The following SMARCA4 variants were observed in gnomAD, a reference collection of about 807,000 sequenced individuals.
SMARCA4 encodes SWI/SNF-related matrix-associated actin-dependent regulator of chromatin subfamily A member 4.
Under a neutral mutation model 193.9 loss-of-function variants are expected in SMARCA4, and 31 were observed. The observed-to-expected ratio is 0.16, with a 90% CI of 0.12 to 0.22. SMARCA4 has a LOEUF of 0.22. Ranked by LOEUF, SMARCA4 falls within the 10% of genes least tolerant of loss-of-function variation. The probability of loss-of-function intolerance (pLI) is 1.00; values close to 1 mark genes in which losing one functional copy is unlikely to be tolerated. For missense variants in SMARCA4, 1,148 were observed against 2,296.0 expected (o/e 0.50, Z 10.22); for synonymous variants, 942 against 933.1 (o/e 1.01, Z -0.17).
chr19:10,987,908 CA>C lies in SMARCA4; in HGVS notation c.1103del (p.Gln368ArgfsTer43). On this transcript the variant is annotated frameshift_variant, in exon 6 of 35. Coordinates refer to ENST00000344626, the MANE Select transcript of SMARCA4 (RefSeq NM_003072.5). LOFTEE classifies it high-confidence loss of function. The surrounding 1 kb of genome is among the most constrained non-coding windows in gnomAD (Gnocchi z 5.3). The part of the protein sequence containing the change: ...PRGLDPVEIL[Q>X]EREYRLQARI... ...GGGCCTCGACCCTGTGGAGATCCTG[CA>C]GGAGCGCGAGTACAGGTGAGGGCGG... 1 of 1,612,834 alleles carries C rather than the reference CA, an allele frequency of 6.2e-7. No homozygotes were observed. The highest frequency in any genetic ancestry group is 1.7e-5 in the Admixed American group (1 of 59,984).
rs2076675426 is a variant in SMARCA4, at chr19:11,058,514, G to T, written c.4533+151G>T. On this transcript the variant is annotated intron_variant, in intron 31 of 34. Transcript: ENST00000344626. This position sits in a 1 kb window ranked among gnomAD's most constrained non-coding sequence, Gnocchi z 5.8. ...CTACCTGGTTAGGGACCTGGTCGTG[G>T]GCTTTTGGGGTTCCTTGTAAGGGTT... 4.2e-6 allele frequency: 3 copies of T among 719,852 alleles called. No homozygotes were observed. The South Asian group carries it at 4.5e-5, about 11-fold the overall frequency. 44.6% of individuals were successfully genotyped at this position (719,852 alleles called of 1,614,324 possible). A position where few individuals can be genotyped will look rare whatever the true frequency, so the allele number is the denominator to read the frequency against.
chr19:11,056,009 C>G (rs1357999559), intron 30 of SMARCA4, among the ~76,000 whole-genome samples: 1 of 152,164 alleles, frequency 6.6e-6, no homozygotes, highest in African/African-American at 2.4e-5. Flanking sequence ...CAGTGTAAAG[C>G]GCAACTCTTG....
At chr19:11,048,234 T>C (rs2076060122) in intron 30 of SMARCA4, among the ~76,000 whole-genome samples, 1 of 152,008 alleles carries the variant, frequency 6.6e-6, no homozygotes, top group African/African-American at 2.4e-5. Context: ...TGGATTTTTT[T>C]TTTTATTTAT....
In SMARCA4 at chr19:11,039,480, A is replaced by G. The variant is rs878854221; in HGVS notation, c.4171-1827A>G. On this transcript the variant is annotated intron_variant, in intron 29 of 34. Coordinates refer to ENST00000344626, the MANE Select transcript of SMARCA4 (RefSeq NM_003072.5). ...TAGAAAATTACAGGAAAAGATATCC[A>G]TGACACAGCCAGCAGTGTGGCACGT... 2 of 1,603,324 alleles carry G rather than the reference A, an allele frequency of 1.2e-6. No homozygotes were observed. The highest frequency in any genetic ancestry group is 1.7e-5 in the Admixed American group (1 of 57,938).
At chr19:11,020,154 G>C (rs1224682265) in intron 18 of SMARCA4, among the ~76,000 whole-genome samples, 1 of 152,220 alleles carries the variant, frequency 6.6e-6, no homozygotes, top group Non-Finnish European at 1.5e-5. Flanking sequence ...CAAATACCAT[G>C]ACTGCCTGCT....
rs1248788348 is a variant in SMARCA4, at chr19:11,003,363, A to T, written c.1967A>T (p.Asp656Val). Residue 656 changes from aspartate to valine, a missense_variant, in exon 13 of 35, where the codon GAT (aspartate) becomes GTT (valine). This residue lies in a region of SMARCA4 where 115 missense variants were observed against 175.1 expected (regional missense o/e 0.66). Coordinates refer to ENST00000344626, the MANE Select transcript of SMARCA4 (RefSeq NM_003072.5). The stretch of plus-strand genomic sequence containing the variant: ...AGGTATGAAGTAGCTCCGAGGTCTG[A>T]TAGTGAAGAAAGTGGCTCAGAAGAA... ...NPGYEVAPRS[D>V]SEESGSEEEE... 6.2e-7 allele frequency: 1 copy of T among 1,614,128 alleles called. No homozygotes were observed. The highest frequency in any genetic ancestry group is 8.5e-7 in the Non-Finnish European group (1 of 1,179,958).
rs752442156 is a variant in SMARCA4, at chr19:11,059,894, C to T, written c.4768+9C>T. ...AGGCTCCGAATCCGAATGTGAGTCCCGGGGGGGTTCAGGACGCCGGGGTTC... is the reference window on the plus strand; with the variant it reads ...AGGCTCCGAATCCGAATGTGAGTCCTGGGGGGGTTCAGGACGCCGGGGTTC... On this transcript the variant is annotated intron_variant, in intron 33 of 34. Coordinates refer to ENST00000344626, the MANE Select transcript of SMARCA4 (RefSeq NM_003072.5). 66 of 1,613,536 alleles carry T rather than the reference C, an allele frequency of 4.1e-5. No individual in the cohort carries two copies. Among genetic ancestry groups the T allele is most frequent in the Middle Eastern group, 1.6e-4 (1 of 6,082 alleles).
At chr19:11,007,850 TC>T in intron 13 of SMARCA4, 51 bp from the exon 14 acceptor site, 1 of 1,606,224 alleles carries the variant, frequency 6.2e-7, no homozygotes, top group Non-Finnish European at 8.5e-7. Context: ...GGGAGTCCCG[TC>T]CCCCCTCTCT....
intron 16 of SMARCA4, among the ~76,000 whole-genome samples, chr19:11,016,257 C>T (rs148325788): frequency 2.6e-5 from 4 of 152,130 alleles, no homozygotes; most frequent in Middle Eastern, 3.4e-3. Flanking sequence ...AGGCCGTTCA[C>T]GAGGGTTCAC....
rs375507937 is a variant in SMARCA4, at chr19:10,996,299, C to T, written c.1680C>T (p.Tyr560=). The change falls in exon 10 of 35, where the codon TAC becomes TAT. Residue 560 remains tyrosine, a synonymous_variant. Transcript: ENST00000344626. ...ACCTCTTGCAGCAGACAGACGAGTA[C>T]GTGGCTAACCTCACGGAGCTGGTGC... ...LAYLLQQTDE[Y]VANLTELVRQ... is the part of the protein sequence containing the mutation. 11 of 1,614,098 alleles carry T rather than the reference C, an allele frequency of 6.8e-6. No individual in the cohort carries two copies. The highest frequency in any genetic ancestry group is 2.7e-5 in the African/African-American group (2 of 74,950).
chr19:11,003,891 T>C (rs1471468666), intron 13 of SMARCA4, among the ~76,000 whole-genome samples: 1 of 151,342 alleles, frequency 6.6e-6, no homozygotes, highest in South Asian at 2.1e-4. Context: ...TTTTTATGTT[T>C]AGTAGAGATG....
intron 30 of SMARCA4, among the ~76,000 whole-genome samples, chr19:11,049,833 C>T (rs757379110): frequency 6.6e-5 from 10 of 152,188 alleles, no homozygotes; most frequent in Non-Finnish European, 1.2e-4. Flanking sequence ...CAGGCGCAGG[C>T]GCTCACATCT....
At chr19:10,967,605 C>T (rs111726772) in intron 1 of SMARCA4, among the ~76,000 whole-genome samples, 2 of 151,876 alleles carry the variant, frequency 1.3e-5, no homozygotes, top group Admixed American at 6.6e-5. Flanking sequence ...CCACTGCGCC[C>T]GACTGGAAGG....
rs1039757191 is a variant in SMARCA4, at chr19:10,985,478, G to A, written c.355+73G>A. On this transcript the variant is annotated intron_variant, in intron 3 of 34. Coordinates refer to ENST00000344626, the MANE Select transcript of SMARCA4 (RefSeq NM_003072.5). This position sits in a 1 kb window ranked among gnomAD's most constrained non-coding sequence, Gnocchi z 4.5. Reference sequence around the variant, plus strand: ...TCCTCAGATCATTTTCCTCCCCTGGGTTCCCACAGGATGGATTCAGGGAGT... The same window carrying A: ...TCCTCAGATCATTTTCCTCCCCTGGATTCCCACAGGATGGATTCAGGGAGT... 1 of 1,555,120 alleles carries A rather than the reference G, an allele frequency of 6.4e-7. No homozygotes were observed. Among genetic ancestry groups the A allele is most frequent in the Non-Finnish European group, 8.8e-7 (1 of 1,142,360 alleles).
chr19:11,043,800 C>A (rs1679943259), intron 30 of SMARCA4, among the ~76,000 whole-genome samples: 1 of 152,116 alleles, frequency 6.6e-6, no homozygotes, highest in African/African-American at 2.4e-5. Flanking sequence ...ATGGCAAAAC[C>A]CCATCTCTAC....
chr19:10,979,167 C>T (rs937789922), intron 1 of SMARCA4, among the ~76,000 whole-genome samples: 2 of 151,708 alleles, frequency 1.3e-5, no homozygotes, highest in East Asian at 1.9e-4. Flanking sequence ...GAGGTGGGAC[C>T]GTGTGTGTAG....
rs2083754339 is a variant in SMARCA4, at chr19:10,961,049, C to T, written c.-157C>T. The T allele has an allele frequency of 2.7e-5, 4 of 148,638 alleles. No homozygotes were observed. In the South Asian group the frequency reaches 7.6e-4, roughly 28 times the overall value. 9.2% of individuals were successfully genotyped at this position (148,638 alleles called of 1,614,324 possible). ...GCGGGCGGGCGCGCGCGCGAGGCTT[C>T]CCCTCGTTTGGCGGCGGCGGCGGCT... On this transcript the variant is annotated 5_prime_UTR_variant, in exon 1 of 35. Coordinates refer to ENST00000344626, the MANE Select transcript of SMARCA4 (RefSeq NM_003072.5).
At position 11,026,300 on chromosome 19, in the gene SMARCA4, G is replaced by C. The variant is rs1555781050; in HGVS notation, c.3169G>C (p.Glu1057Gln). The change falls in exon 23 of 35, where the codon GAG becomes CAG. Residue 1057 changes from glutamate (E) to glutamine (Q), a missense_variant and splice_region_variant. Physicochemically the swap from Glu to Gln is conservative, Grantham distance 29 (BLOSUM62 2). This residue lies in a region of SMARCA4 where 74 missense variants were observed against 392.3 expected (regional missense o/e 0.19). Coordinates refer to ENST00000344626, the MANE Select transcript of SMARCA4 (RefSeq NM_003072.5). ...NHPYMFQHIE[E>Q]SFSEHLGFTG... ...TGACCCCTCTCTCCTTGCCTTGCAG[G>C]AGTCCTTTTCCGAGCACTTGGGGTT... 6.2e-7 allele frequency: 1 copy of C among 1,613,834 alleles called. No homozygotes were observed. The highest frequency in any genetic ancestry group is 8.5e-7 in the Non-Finnish European group (1 of 1,179,870).
Position 11,027,550 on chromosome 19 carries a change from T to C in SMARCA4, c.3216-234T>C, listed in dbSNP as rs1019194. 0.19 allele frequency among the ~76,000 whole-genome samples: 28,438 copies of C among 152,120 alleles called. 3,071 individuals carry two copies. Among genetic ancestry groups the C allele is most frequent in the Middle Eastern group, 0.26 (76 of 294 alleles). On this transcript the variant is annotated intron_variant, in intron 23 of 34. Coordinates refer to ENST00000344626, the MANE Select transcript of SMARCA4 (RefSeq NM_003072.5). ...ATGAGTGTCTGGGTTTGACGAGAAA[T>C]ACATGTGCCACCCTGGTGATACGCC...
Sources: allele counts gnomAD v4.1 joint callset (sites outside exome capture counted in the v4.1 genomes callset), GRCh38; gene constraint gnomAD v4.1.1; regional missense constraint gnomAD v4.1.1; non-coding constraint Gnocchi (gnomAD v3.1); transcripts MANE v1.5; gene names NCBI Gene and HGNC (gene_info 2026-07-23, HGNC 2026-07-21).